The following CCDC3 variants were observed in gnomAD, a reference collection of about 807,000 sequenced individuals.
CCDC3 encodes coiled-coil domain containing 3.
In CCDC3, 24 loss-of-function variants were observed where a neutral mutation model predicts 21.4. That is an observed-to-expected ratio of 1.12 (90% CI 0.81 to 1.58). The LOEUF is 1.58. CCDC3 is among the 40% of genes most tolerant of loss of function. The pLI, the probability that CCDC3 is intolerant of heterozygous loss-of-function variation, is 0.00. For missense variants in CCDC3, 425 were observed against 360.9 expected (o/e 1.18, Z -1.44); for synonymous variants, 186 against 166.0 (o/e 1.12, Z -0.93).
At chr10:13,009,050 T>G (rs1454450839) in intron 5 of CCDC3, among the ~76,000 whole-genome samples, 1 of 152,200 alleles carries the variant, frequency 6.6e-6, no homozygotes, top group Non-Finnish European at 1.5e-5. Context: ...ACAAAAAAGC[T>G]ACTAGAATTC....
chr10:13,088,157 T>C (rs1837135314), intron 3 of CCDC3, among the ~76,000 whole-genome samples: 1 of 152,176 alleles, frequency 6.6e-6, no homozygotes, highest in Admixed American at 6.5e-5. Context: ...AAAAGACTAA[T>C]CTACAGTAAA....
intron 4 of CCDC3, among the ~76,000 whole-genome samples, chr10:13,052,174 G>C (rs1829190512): frequency 6.6e-6 from 1 of 152,092 alleles, no homozygotes; most frequent in Admixed American, 6.5e-5. Context: ...CAGCAGTCTA[G>C]ACCAGCCTGG....
At chr10:12,989,413 CTCAT>C (rs1379845416) in intron 2 of CCDC3, among the ~76,000 whole-genome samples, 1 of 152,174 alleles carries the variant, frequency 6.6e-6, no homozygotes, top group African/African-American at 2.4e-5. Context: ...TCATTACTCA[CTCAT>C]TCATTCATTT....
At chr10:12,964,386 A>AAG (rs912071848) in intron 2 of CCDC3, among the ~76,000 whole-genome samples, 5 of 151,218 alleles carry the variant, frequency 3.3e-5, no homozygotes, top group South Asian at 2.1e-4. Flanking sequence ...GAAAAAAAAA[A>AAG]AGAGAGAGAA....
chr10:12,986,545 C>T lies in CCDC3; in HGVS notation c.549+11793G>A, dbSNP rs373295033. ...ATCCCAGCACTTTGGGAGGCCAAGG[C>T]GGGCGGATCACAAGGTCAGGAGATG... On this transcript the variant is annotated intron_variant, in intron 2 of 2. Coordinates refer to ENST00000378825, the MANE Select transcript of CCDC3 (RefSeq NM_031455.4). Among the ~76,000 whole-genome samples, 16 of 152,134 alleles carry T rather than the reference C, an allele frequency of 1.1e-4. No homozygotes were observed. In the East Asian group the frequency reaches 1.2e-3, roughly 11 times the overall value.
At chr10:12,978,300 T>C (rs1221395486) in intron 2 of CCDC3, among the ~76,000 whole-genome samples, 1 of 152,214 alleles carries the variant, frequency 6.6e-6, no homozygotes, top group Non-Finnish European at 1.5e-5. Context: ...ACTACAGGCA[T>C]GCGCCACCGC....
intron 2 of CCDC3, among the ~76,000 whole-genome samples, chr10:12,918,650 TAGG>T (rs1834396645): frequency 1.3e-5 from 2 of 152,222 alleles, no homozygotes; most frequent in South Asian, 4.1e-4. Context: ...GACCCATGTG[TAGG>T]AGAACAGTTA....
At chr10:12,964,001 AG>A (rs1217732976) in intron 2 of CCDC3, among the ~76,000 whole-genome samples, 7 of 152,208 alleles carry the variant, frequency 4.6e-5, no homozygotes, top group Non-Finnish European at 8.8e-5. Context: ...ACAAGGTACA[AG>A]TCAGTGATAC....
chr10:13,087,778 G>A (rs185865298), intron 3 of CCDC3, among the ~76,000 whole-genome samples: 126 of 152,172 alleles, frequency 8.3e-4, no homozygotes, highest in African/African-American at 3.0e-3. Flanking sequence ...AGCCATAGCC[G>A]CCGCTTTCCT....
intron 5 of CCDC3, among the ~76,000 whole-genome samples, chr10:13,026,380 A>T (rs1365756025): frequency 6.6e-6 from 1 of 152,184 alleles, no homozygotes; most frequent in African/African-American, 2.4e-5. Flanking sequence ...ATACTACAGA[A>T]ATTAATTCTA....
intron 2 of CCDC3, 31 bp from the exon 3 acceptor site, chr10:12,898,710 A>T (rs373286611): frequency 3.7e-5 from 60 of 1,609,290 alleles, no homozygotes; most frequent in African/African-American, 2.0e-4. Flanking sequence ...CAAGGAGAGG[A>T]GGTGAGTCCC....
chr10:12,944,203 T>G (rs1051803595), intron 2 of CCDC3, among the ~76,000 whole-genome samples: 2 of 152,172 alleles, frequency 1.3e-5, no homozygotes, highest in Non-Finnish European at 2.9e-5. Context: ...TGGGGGAAAC[T>G]TGTGTTCCAT....
chr10:13,016,723 T>C (rs1231343153), intron 5 of CCDC3, among the ~76,000 whole-genome samples: 1 of 152,022 alleles, frequency 6.6e-6, no homozygotes, highest in Non-Finnish European at 1.5e-5. Context: ...AGAGATAACT[T>C]TTATGTTGAA....
chr10:13,070,704 G>T (rs778164549), intron 4 of CCDC3, among the ~76,000 whole-genome samples: 1 of 152,106 alleles, frequency 6.6e-6, no homozygotes, highest in African/African-American at 2.4e-5. Flanking sequence ...GTGGAACAAA[G>T]TTCCATGAAA....
At chr10:13,093,703 A>C (rs1181308974) in intron 3 of CCDC3, among the ~76,000 whole-genome samples, 2 of 152,178 alleles carry the variant, frequency 1.3e-5, no homozygotes, top group East Asian at 3.8e-4. Context: ...CCTGATACCC[A>C]GGTCTCTGTG....
chr10:12,943,254 C>CA (rs1366655939), intron 2 of CCDC3, among the ~76,000 whole-genome samples: 1 of 151,858 alleles, frequency 6.6e-6, no homozygotes, highest in Non-Finnish European at 1.5e-5. Flanking sequence ...GATAGTAAAC[C>CA]AAAAAATACA....
At chr10:12,977,290 A>G (rs1482385067) in intron 2 of CCDC3, among the ~76,000 whole-genome samples, 1 of 152,102 alleles carries the variant, frequency 6.6e-6, no homozygotes, top group Non-Finnish European at 1.5e-5. Flanking sequence ...AAAGGAAAAG[A>G]AAGGAAAGGA....
intron 2 of CCDC3, among the ~76,000 whole-genome samples, chr10:12,962,014 T>C (rs1319726112): frequency 3.3e-5 from 5 of 152,308 alleles, no homozygotes; most frequent in African/African-American, 1.2e-4. Flanking sequence ...ATGAGATTGA[T>C]TGTAAATAAT....
chr10:12,934,540 G>A (rs1470255574), intron 2 of CCDC3, among the ~76,000 whole-genome samples: 1 of 152,130 alleles, frequency 6.6e-6, no homozygotes, highest in Non-Finnish European at 1.5e-5. Context: ...TACTGATAGA[G>A]GGGTTTTGAT....
Sources: allele counts gnomAD v4.1 joint callset (sites outside exome capture counted in the v4.1 genomes callset), GRCh38; gene constraint gnomAD v4.1.1; transcripts MANE v1.5; gene names NCBI Gene and HGNC (gene_info 2026-07-23, HGNC 2026-07-21).